The following PTPN4 variants were observed in gnomAD, a reference collection of about 807,000 sequenced individuals.
The protein encoded by PTPN4 is tyrosine-protein phosphatase non-receptor type 4.
PTPN4 carries 49 observed loss-of-function variants against 135.5 expected under a neutral mutation model. That is an observed-to-expected ratio of 0.36 (90% CI 0.29 to 0.46). PTPN4 has a LOEUF of 0.46. PTPN4 is among the 20% of genes least tolerant of loss of function. The pLI is 1.00. For missense variants in PTPN4, 860 were observed against 1,101.0 expected, an observed-to-expected ratio of 0.78 and a Z score of 3.10; for synonymous variants, 333 against 369.9, an observed-to-expected ratio of 0.90 and a Z score of 1.14.
intron 1 of PTPN4, among the ~76,000 whole-genome samples, chr2:119,808,419 C>G (rs902037452): frequency 1.3e-5 from 2 of 152,112 alleles, no homozygotes; most frequent in African/African-American, 4.8e-5. Context: ...CACAAGCATT[C>G]CTATACACCA....
chr2:119,785,434 G>A (rs553912425), intron 1 of PTPN4, among the ~76,000 whole-genome samples: 2 of 152,118 alleles, frequency 1.3e-5, no homozygotes, highest in African/African-American at 2.4e-5. Flanking sequence ...ATGACTAAGA[G>A]GTATATAAAT....
rs1316285155 is a variant in PTPN4, at chr2:119,982,315, G to A, written c.*5245G>A. The A allele has an allele frequency of 6.6e-6, 1 of 152,064 alleles. No individual in the cohort carries two copies. Among genetic ancestry groups the A allele is most frequent in the Non-Finnish European group, 1.5e-5 (1 of 67,990 alleles). 9.4% of individuals were successfully genotyped at this position (152,064 alleles called of 1,614,324 possible). A position where few individuals can be genotyped will look rare whatever the true frequency, so the allele number is the denominator to read the frequency against. Reference sequence around the variant, plus strand: ...AAAGGAGATAAAATGTTATTTGTGTGTCTTTCATGCTGTAAAGAAAATGAA... The same window carrying A: ...AAAGGAGATAAAATGTTATTTGTGTATCTTTCATGCTGTAAAGAAAATGAA... On this transcript the variant is annotated 3_prime_UTR_variant, in exon 27 of 27. Transcript: ENST00000263708.
At chr2:119,938,011 C>T (rs1288656816) in intron 15 of PTPN4, among the ~76,000 whole-genome samples, 1 of 151,678 alleles carries the variant, frequency 6.6e-6, no homozygotes, top group Non-Finnish European at 1.5e-5. Flanking sequence ...TGGTAAAAAG[C>T]CCCAATATGA....
chr2:119,946,560 G>C lies in PTPN4; in HGVS notation c.1642G>C (p.Ala548Pro). The change falls in exon 18 of 27, where the codon GCA (alanine) becomes CCA (proline). Residue 548 changes from alanine (A) to proline (P), a missense_variant. Ala to Pro is a conservative substitution (Grantham distance 27, BLOSUM62 -1). Coordinates refer to ENST00000263708, the MANE Select transcript of PTPN4 (RefSeq NM_002830.4). ...GATGCCTGTGATTGTGTCTCGAGTA[G>C]CACCAGGAACACCTGTGAGTTATCT... ...QKMPVIVSRV[A>P]PGTPADLCVP... is the part of the protein sequence containing the mutation. 1 of 1,605,130 alleles carries C rather than the reference G, an allele frequency of 6.2e-7. No homozygotes were observed. Among genetic ancestry groups the C allele is most frequent in the Non-Finnish European group, 8.5e-7 (1 of 1,174,468 alleles).
intron 9 of PTPN4, among the ~76,000 whole-genome samples, chr2:119,898,752 A>T (rs1046021643): frequency 1.3e-5 from 2 of 152,158 alleles, no homozygotes; most frequent in African/African-American, 4.8e-5. Context: ...GAAGGCTATA[A>T]TACTTGTTCT....
chr2:119,944,016 T>A (rs867816699), intron 15 of PTPN4, among the ~76,000 whole-genome samples: 5 of 152,166 alleles, frequency 3.3e-5, no homozygotes, highest in Admixed American at 1.3e-4. Context: ...ACTTTTTTTT[T>A]AATGATAATA....
intron 26 of PTPN4, 134 bp from the exon 27 acceptor site, chr2:119,976,850 T>A: frequency 7.0e-7 from 1 of 1,433,770 alleles, no homozygotes; most frequent in Non-Finnish European, 9.2e-7. Context: ...TAGTGAAAAA[T>A]GGTATCTTTA....
chr2:119,789,248 C>T (rs575232287), intron 1 of PTPN4, among the ~76,000 whole-genome samples: 3 of 152,042 alleles, frequency 2.0e-5, no homozygotes, highest in African/African-American at 7.2e-5. Flanking sequence ...TGCCTATTGA[C>T]GTTCTTTGTC....
At chr2:119,776,261 C>T (rs1294456617) in intron 1 of PTPN4, among the ~76,000 whole-genome samples, 1 of 152,078 alleles carries the variant, frequency 6.6e-6, no homozygotes, top group African/African-American at 2.4e-5. Flanking sequence ...CTGCAAGCTA[C>T]GCCTCCTGGG....
chr2:119,956,701 T>C (rs1168439159), intron 20 of PTPN4, 143 bp from the exon 21 acceptor site: 7 of 1,379,998 alleles, frequency 5.1e-6, no homozygotes, highest in African/African-American at 1.5e-5. Context: ...AGTACTCTAC[T>C]AGACTATGGT....
intron 19 of PTPN4, among the ~76,000 whole-genome samples, chr2:119,953,177 C>A (rs141483130): frequency 1.6e-4 from 25 of 152,086 alleles, no homozygotes; most frequent in Admixed American, 1.6e-3. Context: ...TAGACATATT[C>A]TTCTGGTTTT....
At chr2:119,864,991 A>G (rs959261266) in intron 3 of PTPN4, among the ~76,000 whole-genome samples, 2 of 152,146 alleles carry the variant, frequency 1.3e-5, no homozygotes, top group Non-Finnish European at 2.9e-5. Context: ...TTCATAAGAC[A>G]TTATCCCAAT....
chr2:119,918,633 A>G (rs1333055795), intron 11 of PTPN4, among the ~76,000 whole-genome samples: 2 of 152,206 alleles, frequency 1.3e-5, no homozygotes, highest in Non-Finnish European at 2.9e-5. Flanking sequence ...TGGTGAATAT[A>G]TGGCACATAT....
intron 18 of PTPN4, among the ~76,000 whole-genome samples, chr2:119,949,609 G>C (rs1309244600): frequency 6.6e-6 from 1 of 152,168 alleles, no homozygotes; most frequent in Non-Finnish European, 1.5e-5. Flanking sequence ...GGGAGGCTAA[G>C]ATGGGAGGAT....
intron 10 of PTPN4, among the ~76,000 whole-genome samples, chr2:119,913,286 G>A (rs1484027261): frequency 1.3e-5 from 2 of 151,994 alleles, no homozygotes; most frequent in African/African-American, 2.4e-5. Context: ...ATCATTTTAC[G>A]TTCCCACCAG....
intron 3 of PTPN4, among the ~76,000 whole-genome samples, chr2:119,870,609 G>A (rs1235305615): frequency 5.9e-5 from 9 of 152,128 alleles, no homozygotes; most frequent in Non-Finnish European, 1.3e-4. Context: ...TTAAAATAGT[G>A]TGTTCTTAGT....
In PTPN4 at chr2:119,788,337, CTAAT is replaced by C. The variant is rs529941636; in HGVS notation, c.-17-21496_-17-21493del. Among the ~76,000 whole-genome samples the C allele has an allele frequency of 5.3e-4, 80 of 152,238 alleles. 1 individual carries two copies. The East Asian group carries it at 9.3e-3, about 18-fold the overall frequency. On this transcript the variant is annotated intron_variant, in intron 1 of 26. Coordinates refer to ENST00000263708, the MANE Select transcript of PTPN4 (RefSeq NM_002830.4). ...AAAATTCAAAAATAAAATAATTTCA[CTAAT>C]TAACTGCCTGACACACCTCTAAACA...
At chr2:119,920,520 A>T (rs1678721592) in intron 12 of PTPN4, among the ~76,000 whole-genome samples, 1 of 152,230 alleles carries the variant, frequency 6.6e-6, no homozygotes, top group Non-Finnish European at 1.5e-5. Flanking sequence ...AAGACAGATG[A>T]CATAATTTCT....
intron 24 of PTPN4, among the ~76,000 whole-genome samples, chr2:119,965,145 A>G (rs559907791): frequency 6.6e-6 from 1 of 152,332 alleles, no homozygotes; most frequent in South Asian, 2.1e-4. Flanking sequence ...AGCTTACCTC[A>G]GGGTCCTTTA....
Sources: allele counts gnomAD v4.1 joint callset (sites outside exome capture counted in the v4.1 genomes callset), GRCh38; gene constraint gnomAD v4.1.1; transcripts MANE v1.5; gene names NCBI Gene and HGNC (gene_info 2026-07-23, HGNC 2026-07-21).